CSF1R: variants seen among roughly 807,000 people sequenced by gnomAD.
CSF1R encodes the protein macrophage colony-stimulating factor 1 receptor.
Under a neutral mutation model 110.0 loss-of-function variants are expected in CSF1R, and 40 were observed. The observed-to-expected ratio is 0.36, with a 90% CI of 0.28 to 0.47. The LOEUF (loss-of-function observed/expected upper bound fraction) is 0.47, where lower values mean the gene tolerates loss of function less well. Ranked by LOEUF, CSF1R falls within the 20% of genes least tolerant of loss-of-function variation. The pLI is 0.99. For missense variants in CSF1R, 1,052 were observed against 1,253.0 expected (o/e 0.84, Z 2.42); for synonymous variants, 523 against 503.4 (o/e 1.04, Z -0.52).
At chr5:150,094,158 T>G in intron 1 of CSF1R, 1 of 555,792 alleles carries the variant, frequency 1.8e-6, no homozygotes, top group South Asian at 2.8e-5. Flanking sequence ...TCAGACAAAA[T>G]AGACTTCAGA....
chr5:150,056,588 C>G (rs1440325779), intron 16 of CSF1R, among the ~76,000 whole-genome samples: 1 of 152,176 alleles, frequency 6.6e-6, no homozygotes, highest in Non-Finnish European at 1.5e-5. Flanking sequence ...CCCTTCTCAC[C>G]CTTTGTCCTC....
At chr5:150,102,510 C>T (rs975135757) in intron 1 of CSF1R, among the ~76,000 whole-genome samples, 3 of 152,264 alleles carry the variant, frequency 2.0e-5, no homozygotes, top group East Asian at 1.9e-4. Flanking sequence ...GACCGAGTCT[C>T]GCTCTATCAC....
chr5:150,070,582 G>A lies in CSF1R; in HGVS notation c.1083-11C>T. 1 of 1,499,870 alleles carries A rather than the reference G, an allele frequency of 6.7e-7. No individual in the cohort carries two copies. The highest frequency in any genetic ancestry group is 1.3e-5 in the South Asian group (1 of 75,314). 92.9% of individuals were successfully genotyped at this position (1,499,870 alleles called of 1,614,324 possible). A position where few individuals can be genotyped will look rare whatever the true frequency, so the allele number is the denominator to read the frequency against. ...AGGGTGAAGGTGTGCCTGCAGGAGA[G>A]AATCAGGTGGTGTTGGTGAGCCCCA... On this transcript the variant is annotated splice_polypyrimidine_tract_variant and intron_variant, in intron 6 of 20. Coordinates refer to ENST00000675795, the MANE Select transcript of CSF1R (RefSeq NM_001288705.3).
chr5:150,108,929 C>T (rs2113870852), intron 1 of CSF1R, among the ~76,000 whole-genome samples: 1 of 152,192 alleles, frequency 6.6e-6, no homozygotes, highest in African/African-American at 2.4e-5. Context: ...CTGTGATGTC[C>T]CCAGGTCCCT....
intron 1 of CSF1R, among the ~76,000 whole-genome samples, chr5:150,111,363 G>A (rs569799199): frequency 9.8e-5 from 15 of 152,300 alleles, no homozygotes; most frequent in Non-Finnish European, 1.3e-4. Flanking sequence ...CCCTGGGCCC[G>A]CCTGAGGGGA....
At position 150,109,066 on chromosome 5, in the gene CSF1R, C is replaced by T. The variant is rs1044941400; in HGVS notation, c.-181+4195G>A. Among the ~76,000 whole-genome samples, 10 of 146,026 alleles carry T rather than the reference C, an allele frequency of 6.8e-5. 1 individual carries two copies. The highest frequency in any genetic ancestry group is 2.3e-4 in the African/African-American group (9 of 39,810). Reference sequence around the variant, plus strand: ...ATCCCAAGGAGAAGCCCGCCCCCCCCCCACCACCCAAGAAATTCCAGGAGC... The same window carrying T: ...ATCCCAAGGAGAAGCCCGCCCCCCCTCCACCACCCAAGAAATTCCAGGAGC... On this transcript the variant is annotated intron_variant, in intron 1 of 21. Coordinates refer to the CSF1R transcript ENST00000286301.
chr5:150,057,290 C>T lies in CSF1R; in HGVS notation c.2316G>A (p.Lys772=), dbSNP rs781080752. 69 of 1,612,956 alleles carry T rather than the reference C, an allele frequency of 4.3e-5. No homozygotes were observed. Among genetic ancestry groups the T allele is most frequent in the Non-Finnish European group, 5.5e-5 (65 of 1,179,880 alleles). The change falls in exon 16 of 21, where the codon AAG becomes AAA. Residue 772 remains lysine, a synonymous_variant. Coordinates refer to ENST00000675795, the MANE Select transcript of CSF1R (RefSeq NM_001288705.3). ...CCAGGGCCAGGTTCCTACTCACATT[C>T]TTGGAAGCGAGGAAGGCCATGCCCT... is the stretch of plus-strand genomic sequence containing the variant. The part of the protein sequence containing the change: ...VAQGMAFLAS[K]NCIHRDVAAR...
At position 150,061,472 on chromosome 5, in the gene CSF1R, A is replaced by T; in HGVS notation, c.1858+19T>A. ...TCTACCACCCCCCATCCCTTCCCTC[A>T]TCCCCTCCCCTCACTCACACTTCAG... On this transcript the variant is annotated intron_variant, in intron 12 of 20. Coordinates refer to ENST00000675795, the MANE Select transcript of CSF1R (RefSeq NM_001288705.3). The T allele has an allele frequency of 1.7e-6, 1 of 597,548 alleles. No homozygotes were observed. Among genetic ancestry groups the T allele is most frequent in the Non-Finnish European group, 2.3e-6 (1 of 430,238 alleles). The allele number at this position is 597,548 out of a possible 1,614,324, so 37.0% of individuals were successfully genotyped here.
chr5:150,103,023 A>G (rs190376333), intron 1 of CSF1R, among the ~76,000 whole-genome samples: 1 of 152,290 alleles, frequency 6.6e-6, no homozygotes, highest in East Asian at 1.9e-4. Flanking sequence ...ATTTTCTCAT[A>G]CAGGCCTGGG....
intron 19 of CSF1R, 63 bp downstream of exon 19, chr5:150,055,174 T>C: frequency 6.9e-7 from 1 of 1,444,080 alleles, no homozygotes. Context: ...CCACACGGCC[T>C]TCCATCCCTT....
At chr5:150,073,165 G>A in intron 6 of CSF1R, 136 bp downstream of exon 6, 1 of 809,658 alleles carries the variant, frequency 1.2e-6, no homozygotes, top group Non-Finnish European at 2.0e-6. Context: ...GTCAGGGAAA[G>A]CGAAGCCCAG....
At position 150,080,345 on chromosome 5, in the gene CSF1R, G is replaced by C; in HGVS notation, c.308-9C>G. 6.2e-7 allele frequency: 1 copy of C among 1,610,510 alleles called. No homozygotes were observed. The highest frequency in any genetic ancestry group is 8.5e-7 in the Non-Finnish European group (1 of 1,177,986). ...CCAGGGCCGGGCAGGGTCTAGAGTA[G>C]AGGAGGGCACAGGGTTACAACTGCC... On this transcript the variant is annotated splice_polypyrimidine_tract_variant and intron_variant, in intron 2 of 20. Coordinates refer to ENST00000675795, the MANE Select transcript of CSF1R (RefSeq NM_001288705.3).
At chr5:150,085,070 G>A (rs534613036) in intron 1 of CSF1R, among the ~76,000 whole-genome samples, 2 of 152,182 alleles carry the variant, frequency 1.3e-5, no homozygotes, top group East Asian at 3.9e-4. Flanking sequence ...CCTGAGGTCA[G>A]GAGTTCGAGA....
chr5:150,099,046 A>G (rs1193903364), intron 1 of CSF1R, among the ~76,000 whole-genome samples: 1 of 149,292 alleles, frequency 6.7e-6, no homozygotes, highest in Non-Finnish European at 1.5e-5. Context: ...GGTGCCCGCC[A>G]CCACACCCAG....
upstream of CSF1R, among the ~76,000 whole-genome samples, chr5:150,088,108 A>G (rs1325591981): frequency 2.0e-5 from 3 of 152,076 alleles, no homozygotes; most frequent in African/African-American, 7.2e-5. Context: ...CCGTGTACTC[A>G]GGTGTGTGTG....
intron 1 of CSF1R, among the ~76,000 whole-genome samples, chr5:150,102,961 T>A (rs1759449075): frequency 6.6e-6 from 1 of 152,246 alleles, no homozygotes. Context: ...GGGTTTCATG[T>A]TTTGTTTAGG....
At chr5:150,081,500 C>G (rs894051776) in intron 1 of CSF1R, among the ~76,000 whole-genome samples, 2 of 152,160 alleles carry the variant, frequency 1.3e-5, no homozygotes, top group African/African-American at 4.8e-5. Context: ...CTTAGCCCAG[C>G]AGAGTTAGAG....
At chr5:150,099,653 T>C (rs1313943133) in intron 1 of CSF1R, among the ~76,000 whole-genome samples, 1 of 149,462 alleles carries the variant, frequency 6.7e-6, no homozygotes. Context: ...TCTTTGATCT[T>C]ACTCATATGA....
intron 1 of CSF1R, among the ~76,000 whole-genome samples, chr5:150,085,967 G>A (rs1341247686): frequency 1.3e-5 from 2 of 152,152 alleles, no homozygotes; most frequent in Non-Finnish European, 2.9e-5. Flanking sequence ...ACCTGAGACC[G>A]ACTGAGTCTG....
Sources: allele counts gnomAD v4.1 joint callset (sites outside exome capture counted in the v4.1 genomes callset), GRCh38; gene constraint gnomAD v4.1.1; transcripts MANE v1.5; gene names NCBI Gene and HGNC (gene_info 2026-07-23, HGNC 2026-07-21).